Variants in CADM2 observed in about 807,000 individuals in gnomAD.
The protein encoded by CADM2 is cell adhesion molecule 2, also known as immunoglobulin superfamily member 4D.
In CADM2, 12 loss-of-function variants were observed where a neutral mutation model predicts 49.8. That is an observed-to-expected ratio of 0.24 (90% CI 0.15 to 0.39). The LOEUF is 0.39. CADM2 is among the 10% of genes least tolerant of loss of function. The probability of loss-of-function intolerance (pLI) is 1.00; values close to 1 mark genes in which losing one functional copy is unlikely to be tolerated. For missense variants in CADM2, 378 were observed against 492.3 expected, an observed-to-expected ratio of 0.77 and a Z score of 2.20; for synonymous variants, 214 against 175.4, an observed-to-expected ratio of 1.22 and a Z score of -1.74.
intron 6 of CADM2, among the ~76,000 whole-genome samples, chr3:85,917,718 G>A (rs890459321): frequency 1.2e-4 from 18 of 152,188 alleles, no homozygotes; most frequent in African/African-American, 4.3e-4. Flanking sequence ...GTCATTGGTA[G>A]CTTGATGGGG....
At chr3:85,634,358 T>C (rs1292324835) in intron 1 of CADM2, among the ~76,000 whole-genome samples, 1 of 152,068 alleles carries the variant, frequency 6.6e-6, no homozygotes, top group African/African-American at 2.4e-5. Context: ...AAGTATCTAC[T>C]GAACTGAAGA....
intron 1 of CADM2, among the ~76,000 whole-genome samples, chr3:85,128,555 G>T (rs557381039): frequency 6.6e-6 from 1 of 152,126 alleles, no homozygotes; most frequent in Non-Finnish European, 1.5e-5. Flanking sequence ...GTGTTGTAAA[G>T]GTCTTAGAAG....
chr3:85,366,747 GTCAC>G (rs1431818181), intron 1 of CADM2, among the ~76,000 whole-genome samples: 4 of 151,908 alleles, frequency 2.6e-5, no homozygotes, highest in Non-Finnish European at 5.9e-5. Context: ...TACTAAATCT[GTCAC>G]TCAATGAATG....
At chr3:85,600,208 G>C (rs1031770874) in intron 1 of CADM2, among the ~76,000 whole-genome samples, 19 of 151,716 alleles carry the variant, frequency 1.3e-4, no homozygotes, top group Non-Finnish European at 2.4e-4. Context: ...AATGTACCCT[G>C]CCTCTCCACA....
intron 1 of CADM2, among the ~76,000 whole-genome samples, chr3:85,386,333 T>C (rs1003937931): frequency 3.9e-5 from 6 of 152,044 alleles, no homozygotes; most frequent in Admixed American, 2.0e-4. Context: ...TACAAGAAAG[T>C]ATAAAGTATT....
chr3:85,845,590 C>T (rs919975343), intron 3 of CADM2, among the ~76,000 whole-genome samples: 9 of 152,216 alleles, frequency 5.9e-5, no homozygotes, highest in African/African-American at 1.9e-4. Context: ...TTTTAGGTCT[C>T]ATTGTCATAA....
chr3:85,941,647 T>C lies in CADM2; in HGVS notation c.791+5790T>C, dbSNP rs189180441. Among the ~76,000 whole-genome samples, 78 of 152,170 alleles carry C rather than the reference T, an allele frequency of 5.1e-4. 1 individual carries two copies. Among genetic ancestry groups the C allele is most frequent in the Admixed American group, 1.1e-3 (17 of 15,246 alleles). On this transcript the variant is annotated intron_variant, in intron 7 of 9. Transcript: ENST00000383699. ...TAAGGTAGGACAAGTTTAGATCAAT[T>C]TGCAAGGAACAGAAGGAATTAAGAT...
At chr3:85,879,526 C>T (rs1712419096) in intron 3 of CADM2, among the ~76,000 whole-genome samples, 1 of 152,094 alleles carries the variant, frequency 6.6e-6, no homozygotes, top group Non-Finnish European at 1.5e-5. Context: ...TCTCACAAAG[C>T]ACATAGGGAA....
intron 1 of CADM2, among the ~76,000 whole-genome samples, chr3:85,262,978 T>C (rs557518794): frequency 6.6e-6 from 1 of 151,052 alleles, no homozygotes; most frequent in African/African-American, 2.5e-5. Flanking sequence ...GTATTTATCT[T>C]TTTCTTTCTT....
chr3:85,778,940 A>G (rs555489634), intron 2 of CADM2, among the ~76,000 whole-genome samples: 3 of 152,290 alleles, frequency 2.0e-5, no homozygotes, highest in South Asian at 2.1e-4. Context: ...ATTGGACTTC[A>G]GCAATAAACA....
chr3:85,478,036 A>G (rs138795271), intron 1 of CADM2, among the ~76,000 whole-genome samples: 27 of 152,106 alleles, frequency 1.8e-4, no homozygotes, highest in South Asian at 4.1e-4. Flanking sequence ...AGCTTTTAAT[A>G]TCTTTTAAAA....
chr3:85,041,967 A>T (rs1292295443), intron 1 of CADM2, among the ~76,000 whole-genome samples: 1 of 152,224 alleles, frequency 6.6e-6, no homozygotes, highest in Non-Finnish European at 1.5e-5. Flanking sequence ...ATAAAGGAAC[A>T]TTTGAAGGAG....
intron 1 of CADM2, among the ~76,000 whole-genome samples, chr3:85,170,235 T>G (rs2040584742): frequency 6.6e-6 from 1 of 152,248 alleles, no homozygotes. Context: ...TAATTTATTC[T>G]GGCGCCTTTA....
chr3:85,275,587 T>G (rs2106864264), intron 1 of CADM2, among the ~76,000 whole-genome samples: 1 of 151,412 alleles, frequency 6.6e-6, no homozygotes, highest in East Asian at 1.9e-4. Context: ...GACTTTGAAC[T>G]TCTTGATTAA....
chr3:85,164,753 C>T (rs1414073707), intron 1 of CADM2, among the ~76,000 whole-genome samples: 1 of 151,974 alleles, frequency 6.6e-6, no homozygotes, highest in Non-Finnish European at 1.5e-5. Context: ...TTGTCTTTCA[C>T]ATGCTTAAAC....
chr3:85,803,482 C>CAGAT (rs1246917963), intron 3 of CADM2, among the ~76,000 whole-genome samples: 1 of 118,684 alleles, frequency 8.4e-6, no homozygotes, highest in South Asian at 2.6e-4. Context: ...AAGAAACAGA[C>CAGAT]AGATAGATAG....
chr3:85,139,748 C>A (rs2039521515), intron 1 of CADM2, among the ~76,000 whole-genome samples: 1 of 152,118 alleles, frequency 6.6e-6, no homozygotes. Context: ...GAATTGTGTC[C>A]ATTTTTATGG....
intron 1 of CADM2, among the ~76,000 whole-genome samples, chr3:85,446,271 C>G (rs1487533583): frequency 6.6e-6 from 1 of 151,938 alleles, no homozygotes; most frequent in Non-Finnish European, 1.5e-5. Flanking sequence ...GTAATCTGAG[C>G]CTGGGTATTA....
In CADM2 at chr3:85,591,497, G is replaced by A. The variant is rs555835181; in HGVS notation, c.62-135025G>A. Among the ~76,000 whole-genome samples, 26 of 151,990 alleles carry A rather than the reference G, an allele frequency of 1.7e-4. 1 individual carries two copies. Among genetic ancestry groups the A allele is most frequent in the Admixed American group, 1.5e-3 (23 of 15,214 alleles). ...GTGACTAGGATTTTGTTTTGATCTT[G>A]TAGTATATACGGAAATTTCACCACC... On this transcript the variant is annotated intron_variant, in intron 1 of 9. Transcript: ENST00000383699.
Sources: gnomAD v4.1 joint callset for allele counts (sites outside exome capture counted in the v4.1 genomes callset) on GRCh38, gnomAD v4.1.1 for gene constraint, MANE v1.5 for transcripts, NCBI Gene and HGNC (gene_info 2026-07-23, HGNC 2026-07-21) for gene names.